FGF9: variants seen among roughly 807,000 people sequenced by gnomAD.
FGF9 encodes the protein fibroblast growth factor 9 (glia-activating factor).
In FGF9, 3 loss-of-function variants were observed where a neutral mutation model predicts 19.9. That is an observed-to-expected ratio of 0.15 (90% CI 0.07 to 0.39). FGF9 has a LOEUF of 0.39. FGF9 is among the 10% of genes least tolerant of loss of function. FGF9 has a pLI of 1.00. For missense variants in FGF9, 175 were observed against 256.8 expected, an observed-to-expected ratio of 0.68 and a Z score of 2.18; for synonymous variants, 107 against 106.9, an observed-to-expected ratio of 1.00 and a Z score of -0.01.
At chr13:21,689,348 T>A (rs528966869) in intron 2 of FGF9, among the ~76,000 whole-genome samples, 4 of 152,308 alleles carry the variant, frequency 2.6e-5, no homozygotes, top group Admixed American at 1.3e-4. Context: ...TGACTGTGCT[T>A]CCCATGGTCC....
In FGF9 at chr13:21,671,141, G is replaced by A. The variant is rs1012874638; in HGVS notation, c.-772G>A. Reference sequence around the variant, plus strand: ...GCCCGGCTACAACGCTCCGCGAGCCGGCGCGGCAACACCTGTTCGCGGCAG... The same window carrying A: ...GCCCGGCTACAACGCTCCGCGAGCCAGCGCGGCAACACCTGTTCGCGGCAG... On this transcript the variant is annotated 5_prime_UTR_variant, in exon 1 of 3. Coordinates refer to ENST00000382353, the MANE Select transcript of FGF9 (RefSeq NM_002010.3). 6.6e-6 allele frequency among the ~76,000 whole-genome samples: 1 copy of A among 152,198 alleles called. No homozygotes were observed. Among genetic ancestry groups the A allele is most frequent in the Non-Finnish European group, 1.5e-5 (1 of 68,008 alleles).
chr13:21,677,522 C>A (rs1278402134), intron 1 of FGF9, among the ~76,000 whole-genome samples: 1 of 152,162 alleles, frequency 6.6e-6, no homozygotes, highest in East Asian at 1.9e-4. Context: ...CCAGCTCCAC[C>A]CCAGAGAGAG....
intron 2 of FGF9, among the ~76,000 whole-genome samples, chr13:21,690,257 T>G (rs1872255912): frequency 6.6e-6 from 1 of 152,110 alleles, no homozygotes; most frequent in Non-Finnish European, 1.5e-5. Context: ...AACTCTTCTG[T>G]TCACACACTC....
chr13:21,691,187 C>T lies in FGF9; in HGVS notation c.382-10003C>T, dbSNP rs1429233269. 2.0e-5 allele frequency among the ~76,000 whole-genome samples: 3 copies of T among 152,184 alleles called. No individual in the cohort carries two copies. The South Asian group carries it at 6.2e-4, about 31-fold the overall frequency. On this transcript the variant is annotated intron_variant, in intron 2 of 2. Transcript: ENST00000382353. The surrounding 1 kb of genome is among the most constrained non-coding windows in gnomAD (Gnocchi z 4.2). ...ACCTACAAATGCAAATGTACTTCCTCATGTGGGTGATCTTAGAGCTGATTC... is the reference window on the plus strand; with the variant it reads ...ACCTACAAATGCAAATGTACTTCCTTATGTGGGTGATCTTAGAGCTGATTC...
At chr13:21,699,841 C>T (rs958743631) in intron 2 of FGF9, among the ~76,000 whole-genome samples, 4 of 152,156 alleles carry the variant, frequency 2.6e-5, no homozygotes, top group Admixed American at 1.3e-4. Context: ...GAAACTATTT[C>T]TAACAAGTTA....
chr13:21,694,212 C>CT (rs976822508), intron 2 of FGF9, among the ~76,000 whole-genome samples: 1 of 152,186 alleles, frequency 6.6e-6, no homozygotes, highest in African/African-American at 2.4e-5. Flanking sequence ...CATGCCTCTA[C>CT]TAGGGACACT....
At position 21,689,822 on chromosome 13, in the gene FGF9, G is replaced by A. The variant is rs1415536064; in HGVS notation, c.381+8677G>A. ...CTGGAGAAGTCTGATCAGCTTGTAA[G>A]TTAGGGTCTGCAAGGATAACCAGGT... On this transcript the variant is annotated intron_variant, in intron 2 of 2. Transcript: ENST00000382353. Among the ~76,000 whole-genome samples the A allele has an allele frequency of 1.4e-4, 22 of 152,306 alleles. No individual in the cohort carries two copies. In the East Asian group the frequency reaches 4.2e-3, roughly 29 times the overall value.
chr13:21,680,452 C>CT (rs369941643), intron 1 of FGF9, among the ~76,000 whole-genome samples: 8,646 of 144,004 alleles, frequency 0.06, 275 homozygotes, highest in Middle Eastern at 0.075. Flanking sequence ...AAACAGAATA[C>CT]TTTTTTTTTT....
chr13:21,695,081 T>TGC (rs1167030772), intron 2 of FGF9, among the ~76,000 whole-genome samples: 2 of 139,768 alleles, frequency 1.4e-5, no homozygotes, highest in Admixed American at 7.5e-5. Flanking sequence ...TGTGTGTGTG[T>TGC]GCGTGTGTGT....
intron 2 of FGF9, among the ~76,000 whole-genome samples, chr13:21,693,629 G>C (rs1479795388): frequency 1.3e-5 from 2 of 152,074 alleles, no homozygotes; most frequent in Non-Finnish European, 2.9e-5. Flanking sequence ...CATGATGTAG[G>C]GTTTATTGGT....
intron 2 of FGF9, among the ~76,000 whole-genome samples, chr13:21,698,103 C>T (rs1009539831): frequency 2.0e-5 from 3 of 152,180 alleles, no homozygotes; most frequent in Non-Finnish European, 2.9e-5. Flanking sequence ...CCACTGCGCC[C>T]GGCCCCCACG....
chr13:21,673,261 C>T (rs1462795527), intron 1 of FGF9, among the ~76,000 whole-genome samples: 6 of 152,188 alleles, frequency 3.9e-5, no homozygotes, highest in Non-Finnish European at 5.9e-5. Flanking sequence ...AAAACAAAGT[C>T]CTCTGGTGAT....
chr13:21,697,550 G>C (rs1044271284), intron 2 of FGF9, among the ~76,000 whole-genome samples: 4 of 152,172 alleles, frequency 2.6e-5, no homozygotes, highest in Non-Finnish European at 5.9e-5. Flanking sequence ...AGTGTTAACT[G>C]GCAGTGAAAA....
At chr13:21,694,513 T>C (rs191900174) in intron 2 of FGF9, among the ~76,000 whole-genome samples, 2 of 152,360 alleles carry the variant, frequency 1.3e-5, no homozygotes, top group Admixed American at 6.5e-5. Context: ...TTCTCCTCTG[T>C]TGTCTGCCAA....
rs1565954517 is a variant in FGF9, at chr13:21,700,020, GTGT to G, written c.382-1169_382-1167del. ...TGTTCACAGCTTTGGGATGTGGTGT[GTGT>G]GTGTGTGTGTGTGTGTGTGTGTGTG... On this transcript the variant is annotated intron_variant, in intron 2 of 2. Transcript: ENST00000382353. Among the ~76,000 whole-genome samples the G allele has an allele frequency of 6.5e-4, 8 of 12,350 alleles. No individual in the cohort carries two copies. In the East Asian group the frequency reaches 0.068, roughly 105 times the overall value. The allele number at this position is 12,350 out of a possible 152,430, so 8.1% of individuals were successfully genotyped here.
At position 21,672,375 on chromosome 13, in the gene FGF9, A is replaced by G. The variant is rs1871789992; in HGVS notation, c.277+186A>G. ...AAAAAAAATGCCTCCGGAATTGCAG[A>G]TCTGCTGCTGGCACTGATGCAAGTA... On this transcript the variant is annotated intron_variant, in intron 1 of 2. Coordinates refer to ENST00000382353, the MANE Select transcript of FGF9 (RefSeq NM_002010.3). This position sits in a 1 kb window ranked among gnomAD's most constrained non-coding sequence, Gnocchi z 4.2. 6.6e-6 allele frequency among the ~76,000 whole-genome samples: 1 copy of G among 152,072 alleles called. No homozygotes were observed. The highest frequency in any genetic ancestry group is 2.4e-5 in the African/African-American group (1 of 41,404).
chr13:21,698,074 C>T (rs1000672295), intron 2 of FGF9, among the ~76,000 whole-genome samples: 1 of 152,218 alleles, frequency 6.6e-6, no homozygotes, highest in Non-Finnish European at 1.5e-5. Flanking sequence ...TCCCAAAGTG[C>T]TGGGATTACA....
At chr13:21,678,152 T>G in intron 1 of FGF9, among the ~76,000 whole-genome samples, 1 of 152,198 alleles carries the variant, frequency 6.6e-6, no homozygotes, top group Non-Finnish European at 1.5e-5. Context: ...CAATAATAGC[T>G]TCTTGAATGA....
At chr13:21,677,047 A>T (rs1201968540) in intron 1 of FGF9, among the ~76,000 whole-genome samples, 2 of 152,164 alleles carry the variant, frequency 1.3e-5, no homozygotes, top group Admixed American at 1.3e-4. Flanking sequence ...GGATGATCTC[A>T]CACCTCATCA....
Sources: allele counts gnomAD v4.1 joint callset (sites outside exome capture counted in the v4.1 genomes callset), GRCh38; gene constraint gnomAD v4.1.1; non-coding constraint Gnocchi (gnomAD v3.1); transcripts MANE v1.5; gene names NCBI Gene and HGNC (gene_info 2026-07-23, HGNC 2026-07-21).